NRG1: variants seen among roughly 807,000 people sequenced by gnomAD.
NRG1 encodes neuregulin 1.
A neutral mutation model predicts 63.8 loss-of-function variants in NRG1; 18 were observed. That is an observed-to-expected ratio of 0.28 (90% CI 0.19 to 0.42). The LOEUF (loss-of-function observed/expected upper bound fraction) is 0.42, where lower values mean the gene tolerates loss of function less well. NRG1 is among the 10% of genes least tolerant of loss of function. The pLI is 1.00. For synonymous variants in NRG1, 302 were observed against 301.3 expected (o/e 1.00, Z -0.02); for missense variants, 762 against 814.7 (o/e 0.94, Z 0.79).
intron 1 of NRG1, among the ~76,000 whole-genome samples, chr8:31,975,537 A>C (rs992826262): frequency 6.6e-6 from 1 of 152,228 alleles, no homozygotes; most frequent in Non-Finnish European, 1.5e-5. Flanking sequence ...GGAGTACTGC[A>C]TACCACTGTG....
At chr8:32,411,811 C>T (rs1431830435) in intron 1 of NRG1, among the ~76,000 whole-genome samples, 5 of 152,162 alleles carry the variant, frequency 3.3e-5, no homozygotes, top group South Asian at 4.1e-4. Context: ...AAGCCTGAAA[C>T]GTGTACATAT....
chr8:32,638,257 A>G (rs769296569), intron 5 of NRG1, among the ~76,000 whole-genome samples: 1 of 152,340 alleles, frequency 6.6e-6, no homozygotes, highest in Non-Finnish European at 1.5e-5. Context: ...TGGCACATGT[A>G]TACCTGTGTA....
intron 1 of NRG1, among the ~76,000 whole-genome samples, chr8:31,784,694 C>T (rs944498191): frequency 1.3e-5 from 2 of 152,182 alleles, no homozygotes; most frequent in Non-Finnish European, 2.9e-5. Context: ...AATCATATGA[C>T]TTCTCAGCAC....
intron 1 of NRG1, among the ~76,000 whole-genome samples, chr8:32,269,032 T>C (rs1851279434): frequency 6.6e-6 from 1 of 152,134 alleles, no homozygotes; most frequent in Non-Finnish European, 1.5e-5. Flanking sequence ...AAAATCACTT[T>C]ACCTCCTCTG....
intron 1 of NRG1, among the ~76,000 whole-genome samples, chr8:32,261,358 AGTGT>A (rs3055547): frequency 0.066 from 9,811 of 148,276 alleles, 547 homozygotes; most frequent in African/African-American, 0.16. Flanking sequence ...TGCTCCTATT[AGTGT>A]GTGTGTGTGT....
intron 1 of NRG1, among the ~76,000 whole-genome samples, chr8:32,422,266 A>T (rs1816785845): frequency 6.6e-6 from 1 of 152,206 alleles, no homozygotes; most frequent in South Asian, 2.1e-4. Context: ...CTATCCACAC[A>T]TATGTATATG....
intron 3 of NRG1, among the ~76,000 whole-genome samples, chr8:32,606,148 T>C (rs903921198): frequency 1.3e-5 from 2 of 148,514 alleles, no homozygotes; most frequent in African/African-American, 4.9e-5. Flanking sequence ...ACATATGTAT[T>C]ATATATGTAT....
intron 1 of NRG1, among the ~76,000 whole-genome samples, chr8:31,992,288 AC>A (rs1811230035): frequency 6.6e-6 from 1 of 152,080 alleles, no homozygotes; most frequent in Non-Finnish European, 1.5e-5. Flanking sequence ...AAAAGGGGGT[AC>A]CAAAAAACAG....
chr8:32,024,680 G>A (rs562560698), intron 1 of NRG1, among the ~76,000 whole-genome samples: 15 of 152,084 alleles, frequency 9.9e-5, no homozygotes, highest in Non-Finnish European at 1.6e-4. Flanking sequence ...TCAGAAACAT[G>A]AAATCAAGAA....
chr8:32,479,601 G>T (rs1419056976), intron 1 of NRG1, among the ~76,000 whole-genome samples: 1 of 152,068 alleles, frequency 6.6e-6, no homozygotes, highest in Non-Finnish European at 1.5e-5. Flanking sequence ...GATACTCAAA[G>T]GTTTAGAGCC....
intron 1 of NRG1, among the ~76,000 whole-genome samples, chr8:31,818,001 A>G (rs1823618944): frequency 1.3e-5 from 2 of 152,228 alleles, no homozygotes; most frequent in Non-Finnish European, 2.9e-5. Flanking sequence ...TTTGAGTGAT[A>G]AAGAACTGAT....
At chr8:31,838,821 A>G (rs959802331) in intron 1 of NRG1, among the ~76,000 whole-genome samples, 1 of 152,164 alleles carries the variant, frequency 6.6e-6, no homozygotes, top group African/African-American at 2.4e-5. Flanking sequence ...TTTTCCAAAG[A>G]CCTAAATATA....
intron 1 of NRG1, among the ~76,000 whole-genome samples, chr8:32,252,697 T>G (rs1849255669): frequency 1.3e-5 from 2 of 152,174 alleles, no homozygotes; most frequent in South Asian, 4.1e-4. Flanking sequence ...TGGTTCCATA[T>G]GAAATTTAAA....
chr8:31,660,361 T>C (rs13257214), intron 1 of NRG1, among the ~76,000 whole-genome samples: 14,299 of 152,270 alleles, frequency 0.094, 817 homozygotes, highest in Middle Eastern at 0.14. Context: ...AAGGCACCTC[T>C]GCTAAGGCAC....
intron 1 of NRG1, among the ~76,000 whole-genome samples, chr8:32,343,245 A>G (rs1804306540): frequency 5.3e-5 from 8 of 152,174 alleles, no homozygotes; most frequent in Admixed American, 5.2e-4. Flanking sequence ...TTGGCTTAAT[A>G]TATTGTCAAC....
chr8:32,048,532 G>T (rs991263788), intron 1 of NRG1, among the ~76,000 whole-genome samples: 16 of 147,994 alleles, frequency 1.1e-4, no homozygotes, highest in African/African-American at 3.7e-4. Flanking sequence ...TTAATTTTCT[G>T]AGAAACCTTC....
chr8:32,125,212 A>G lies in NRG1; in HGVS notation c.38-470616A>G, dbSNP rs78086276. On this transcript the variant is annotated intron_variant, in intron 1 of 10. Coordinates refer to the NRG1 transcript ENST00000519301. The stretch of plus-strand genomic sequence containing the variant: ...TTAGTCTCAGAACTGTGAGAAGTAA[A>G]TGTATATTATTTGTAGTTACCCAGT... Among the ~76,000 whole-genome samples the G allele has an allele frequency of 3.1e-3, 467 of 152,040 alleles. 3 individuals carry two copies. The highest frequency in any genetic ancestry group is 0.01 in the South Asian group (50 of 4,818).
At chr8:31,990,823 C>G (rs889382168) in intron 1 of NRG1, among the ~76,000 whole-genome samples, 5 of 152,016 alleles carry the variant, frequency 3.3e-5, no homozygotes, top group African/African-American at 1.2e-4. Context: ...ATCTTCCAGT[C>G]CTTGTAAATG....
In NRG1 at chr8:32,503,582, T is replaced by C. The variant is rs143043420; in HGVS notation, c.38-92246T>C. On this transcript the variant is annotated intron_variant, in intron 1 of 10. Transcript: ENST00000519301. Reference sequence around the variant, plus strand: ...TAGCCTTAAACCTCAGTAGTTATAATGTTAGTTTGACTAGTAAGTCCAAGT... The same window carrying C: ...TAGCCTTAAACCTCAGTAGTTATAACGTTAGTTTGACTAGTAAGTCCAAGT... Among the ~76,000 whole-genome samples, 308 of 152,292 alleles carry C rather than the reference T, an allele frequency of 2.0e-3. 1 individual carries two copies. The highest frequency in any genetic ancestry group is 6.9e-3 in the African/African-American group (288 of 41,566).
Sources: allele counts gnomAD v4.1 joint callset (sites outside exome capture counted in the v4.1 genomes callset), GRCh38; gene constraint gnomAD v4.1.1; transcripts MANE v1.5; gene names NCBI Gene and HGNC (gene_info 2026-07-23, HGNC 2026-07-21).